The following DPP10 variants were observed in gnomAD, a reference collection of about 807,000 sequenced individuals.
DPP10 encodes the protein inactive dipeptidyl peptidase 10.
DPP10 carries 33 observed loss-of-function variants against 120.9 expected under a neutral mutation model. That is an observed-to-expected ratio of 0.27 (90% CI 0.21 to 0.37). The LOEUF (loss-of-function observed/expected upper bound fraction) is 0.37. DPP10 is among the 10% of genes least tolerant of loss of function. DPP10 has a pLI of 1.00. For missense variants in DPP10, 816 were observed against 942.8 expected (o/e 0.87, Z 1.76); for synonymous variants, 337 against 326.1 (o/e 1.03, Z -0.36).
rs1301892306 is a variant in DPP10 at position 115,603,574 on chromosome 2, T to TG, written c.441+77602_441+77603insG. Among the ~76,000 whole-genome samples the TG allele has an allele frequency of 9.8e-4, 134 of 137,102 alleles. 1 individual carries two copies. The highest frequency in any genetic ancestry group is 3.2e-3 in the African/African-American group (108 of 34,000). 89.9% of individuals were successfully genotyped at this position (137,102 alleles called of 152,430 possible). ...TCGTTGTTGTTGTTTTTTTTTGTTT[T>TG]TTTTTTTTTTGGATTTCTTGACAGC... On this transcript the variant is annotated intron_variant, in intron 5 of 25. Coordinates refer to ENST00000410059, the MANE Select transcript of DPP10 (RefSeq NM_020868.6).
At chr2:115,554,847 T>C (rs774227261) in intron 5 of DPP10, among the ~76,000 whole-genome samples, 24 of 152,228 alleles carry the variant, frequency 1.6e-4, no homozygotes, top group Non-Finnish European at 3.2e-4. Context: ...TGGTTTATAT[T>C]GTAGTCTCTT....
intron 1 of DPP10, among the ~76,000 whole-genome samples, chr2:114,704,198 C>T (rs1176966265): frequency 2.6e-5 from 4 of 152,206 alleles, no homozygotes; most frequent in East Asian, 1.9e-4. Context: ...GGCACTGAAG[C>T]TGTAATTGTG....
chr2:114,708,679 C>T lies in DPP10; in HGVS notation c.60+265841C>T, dbSNP rs114538727. Among the ~76,000 whole-genome samples, 1,303 of 152,234 alleles carry T rather than the reference C, an allele frequency of 8.6e-3. 20 individuals carry two copies. Among genetic ancestry groups the T allele is most frequent in the African/African-American group, 0.03 (1,239 of 41,534 alleles). On this transcript the variant is annotated intron_variant, in intron 1 of 25. Coordinates refer to ENST00000410059, the MANE Select transcript of DPP10 (RefSeq NM_020868.6). ...AAGCAAGAAAACAGAAAAGGAAGAA[C>T]GTGAAGCTAATGTTGGGTGTCAGAA...
chr2:115,137,531 G>C (rs923043094), intron 1 of DPP10, among the ~76,000 whole-genome samples: 4 of 152,208 alleles, frequency 2.6e-5, no homozygotes, highest in Non-Finnish European at 5.9e-5. Context: ...TGTTTGGCCA[G>C]GCCAGGTATG....
chr2:115,133,141 GTGTGTATATATATATA>G lies in DPP10; in HGVS notation c.61-176096_61-176081del, dbSNP rs1217275725. ...TGTGTGTGTGTGTGTGTGTGTGTGT[GTGTGTATATATATATA>G]TATATATATATATATATATAGTTTT... On this transcript the variant is annotated intron_variant, in intron 1 of 25. Coordinates refer to ENST00000410059, the MANE Select transcript of DPP10 (RefSeq NM_020868.6). Among the ~76,000 whole-genome samples, 52 of 35,386 alleles carry G rather than the reference GTGTGTATATATATATA, an allele frequency of 1.5e-3. 1 individual carries two copies. Among genetic ancestry groups the G allele is most frequent in the African/African-American group, 5.0e-3 (49 of 9,892 alleles). 23.2% of individuals were successfully genotyped at this position (35,386 alleles called of 152,430 possible). A position where few individuals can be genotyped will look rare whatever the true frequency, so the allele number is the denominator to read the frequency against.
At position 115,638,700 on chromosome 2, in the gene DPP10, C is replaced by T. The variant is rs190289058; in HGVS notation, c.442-50987C>T. On this transcript the variant is annotated intron_variant, in intron 5 of 25. Transcript: ENST00000410059. ...ATTGAGTCCTCCCTTGAAATCCTTG[C>T]TATTATCTGGACCAACAAATGTGTA... 3.5e-4 allele frequency among the ~76,000 whole-genome samples: 54 copies of T among 152,264 alleles called. 1 individual carries two copies. The Middle Eastern group carries it at 0.01, about 29-fold the overall frequency.
chr2:115,384,484 A>C (rs184383181), intron 3 of DPP10, among the ~76,000 whole-genome samples: 2 of 150,814 alleles, frequency 1.3e-5, no homozygotes, highest in Admixed American at 1.3e-4. Context: ...AGAAGGAAGA[A>C]GAAGAAGAAG....
intron 1 of DPP10, among the ~76,000 whole-genome samples, chr2:114,663,697 A>AGAG (rs9308701): frequency 6.8e-6 from 1 of 146,386 alleles, no homozygotes; most frequent in Non-Finnish European, 1.5e-5. Flanking sequence ...AGAGAGAGAG[A>AGAG]AACTGACTGA....
At chr2:115,586,571 G>A (rs2082302516) in intron 5 of DPP10, among the ~76,000 whole-genome samples, 1 of 152,102 alleles carries the variant, frequency 6.6e-6, no homozygotes, top group South Asian at 2.1e-4. Flanking sequence ...CAACAGTAAT[G>A]GAAGAAAATG....
intron 2 of DPP10, among the ~76,000 whole-genome samples, chr2:115,319,799 C>T (rs905545502): frequency 2.6e-5 from 4 of 152,146 alleles, no homozygotes. Flanking sequence ...CTGCTCTCTG[C>T]TTCCAAGATG....
chr2:114,928,455 A>C (rs1327512682), intron 1 of DPP10, among the ~76,000 whole-genome samples: 1 of 152,148 alleles, frequency 6.6e-6, no homozygotes, highest in Non-Finnish European at 1.5e-5. Context: ...CATTGACTAC[A>C]TGTCCCACAT....
At chr2:114,889,234 T>C (rs1320403968) in intron 1 of DPP10, among the ~76,000 whole-genome samples, 3 of 152,236 alleles carry the variant, frequency 2.0e-5, no homozygotes, top group Non-Finnish European at 2.9e-5. Flanking sequence ...GTATTTGTTA[T>C]GACAGCCTTA....
intron 1 of DPP10, among the ~76,000 whole-genome samples, chr2:114,777,026 T>C (rs1681809293): frequency 6.6e-6 from 1 of 152,174 alleles, no homozygotes; most frequent in South Asian, 2.1e-4. Flanking sequence ...TACATAACTA[T>C]ATAATATATA....
At chr2:114,892,530 C>A (rs1289957407) in intron 1 of DPP10, among the ~76,000 whole-genome samples, 1 of 152,214 alleles carries the variant, frequency 6.6e-6, no homozygotes, top group Non-Finnish European at 1.5e-5. Flanking sequence ...CACAAAGGAT[C>A]TACAGAGCAG....
chr2:115,381,772 G>A (rs2106474383), intron 3 of DPP10, among the ~76,000 whole-genome samples: 1 of 152,046 alleles, frequency 6.6e-6, no homozygotes, highest in East Asian at 2.0e-4. Flanking sequence ...CCTTTTAACA[G>A]ACACAACCCT....
At chr2:115,356,807 T>G (rs1483231595) in intron 3 of DPP10, among the ~76,000 whole-genome samples, 1 of 152,218 alleles carries the variant, frequency 6.6e-6, no homozygotes, top group Non-Finnish European at 1.5e-5. Context: ...ATGTCTTTGC[T>G]ATTGTAAAGG....
chr2:115,274,932 C>G (rs1029543605), intron 1 of DPP10, among the ~76,000 whole-genome samples: 2 of 152,128 alleles, frequency 1.3e-5, no homozygotes, highest in East Asian at 1.9e-4. Flanking sequence ...CACTTGTGTT[C>G]AGCACCTCGC....
intron 5 of DPP10, among the ~76,000 whole-genome samples, chr2:115,544,330 A>G (rs773764166): frequency 5.3e-5 from 8 of 152,066 alleles, no homozygotes; most frequent in Non-Finnish European, 1.2e-4. Flanking sequence ...TACCTTCAGC[A>G]TATGTGTCCA....
chr2:115,663,305 C>T (rs2089161477), intron 5 of DPP10, among the ~76,000 whole-genome samples: 2 of 152,128 alleles, frequency 1.3e-5, no homozygotes, highest in South Asian at 4.1e-4. Context: ...TATTCTTCAG[C>T]AATGTATAAT....
Sources: gnomAD v4.1 joint callset for allele counts (sites outside exome capture counted in the v4.1 genomes callset) on GRCh38, gnomAD v4.1.1 for gene constraint, MANE v1.5 for transcripts, NCBI Gene and HGNC (gene_info 2026-07-23, HGNC 2026-07-21) for gene names.